The following HMGB1 variants were observed in gnomAD, a reference collection of about 807,000 sequenced individuals.
The protein encoded by HMGB1 is high mobility group box 1.
For missense variants in HMGB1, 79 were observed against 253.5 expected, an observed-to-expected ratio of 0.31 and a Z score of 4.67; for synonymous variants, 81 against 84.0, an observed-to-expected ratio of 0.96 and a Z score of 0.19.
chr13:30,561,217 T>G (rs1249358956), intron 1 of HMGB1, among the ~76,000 whole-genome samples: 1 of 152,170 alleles, frequency 6.6e-6, no homozygotes, highest in African/African-American at 2.4e-5. Flanking sequence ...GGCAGTATTT[T>G]CAGAAAGGAG....
chr13:30,542,636 CCTGG>C, intron 1 of HMGB1: 32 of 183,396 alleles, frequency 1.7e-4, no homozygotes, highest in South Asian at 3.7e-4. Flanking sequence ...AATGCCACAG[CCTGG>C]CTGGCTGGCT....
intron 1 of HMGB1, among the ~76,000 whole-genome samples, chr13:30,605,409 G>C (rs1414782111): frequency 6.6e-6 from 1 of 152,180 alleles, no homozygotes; most frequent in Non-Finnish European, 1.5e-5. Flanking sequence ...TTAAAAAAGA[G>C]GAGGAACCAT....
At chr13:30,535,536 A>G (rs1868387415) in intron 1 of HMGB1, among the ~76,000 whole-genome samples, 1 of 152,188 alleles carries the variant, frequency 6.6e-6, no homozygotes, top group Admixed American at 6.5e-5. Context: ...CAGCAGGAAA[A>G]CTGCAAAGAT....
intron 1 of HMGB1, among the ~76,000 whole-genome samples, chr13:30,524,695 A>G (rs1888323074): frequency 1.8e-5 from 1 of 54,998 alleles, no homozygotes; most frequent in South Asian, 4.5e-4. Flanking sequence ...AAAATAAAAT[A>G]AAATAAATAA....
At chr13:30,482,605 A>G (rs1360933033) in intron 1 of HMGB1, among the ~76,000 whole-genome samples, 1 of 152,200 alleles carries the variant, frequency 6.6e-6, no homozygotes, top group Non-Finnish European at 1.5e-5. Context: ...CTGGCTCTGA[A>G]GCCAAGTCTG....
In HMGB1 at chr13:30,587,240, T is replaced by C. The variant is rs146412474; in HGVS notation, c.-15+29431A>G. ...TGTGGCAAGGGATTTTCCCATCTTA[T>C]ATAGTAATAAAATTTTCAGCTGTGC... On this transcript the variant is annotated intron_variant, in intron 1 of 4. Coordinates refer to the HMGB1 transcript ENST00000405805. 3.2e-3 allele frequency among the ~76,000 whole-genome samples: 493 copies of C among 152,334 alleles called. 1 individual carries two copies. The highest frequency in any genetic ancestry group is 0.01 in the African/African-American group (416 of 41,570).
intron 1 of HMGB1, chr13:30,465,230 G>GGGCCCGCACTGCCGCCCCCA (rs1886697108): frequency 9.7e-6 from 4 of 413,436 alleles, no homozygotes. Flanking sequence ...GAGGCCGGCC[G>GGGCCCGCACTGCCGCCCCCA]GGCCCGCACT....
chr13:30,535,160 T>C (rs9551933), intron 1 of HMGB1, among the ~76,000 whole-genome samples: 4,065 of 152,296 alleles, frequency 0.027, 115 homozygotes, highest in East Asian at 0.06. Context: ...AGCCTTTCTC[T>C]TTCTGCCCTA....
At chr13:30,536,678 C>G (rs1275008301) in intron 1 of HMGB1, among the ~76,000 whole-genome samples, 5 of 152,314 alleles carry the variant, frequency 3.3e-5, no homozygotes, top group African/African-American at 1.2e-4. Context: ...TCATATTATT[C>G]AACAACTGTG....
chr13:30,464,217 G>A (rs1365635338), intron 1 of HMGB1: 1 of 985,482 alleles, frequency 1.0e-6, no homozygotes, highest in Non-Finnish European at 1.2e-6. Flanking sequence ...CTCCAAAGAG[G>A]GAGCAGCAGC....
At chr13:30,491,229 C>A (rs1280562667) in intron 1 of HMGB1, among the ~76,000 whole-genome samples, 1 of 152,014 alleles carries the variant, frequency 6.6e-6, no homozygotes, top group Non-Finnish European at 1.5e-5. Flanking sequence ...GGGGTTTCAC[C>A]ATGTTAGCCA....
At chr13:30,542,482 CTCT>C (rs1868939621) in intron 1 of HMGB1, 5 of 157,506 alleles carry the variant, frequency 3.2e-5, no homozygotes, top group South Asian at 3.7e-4. Context: ...CGGTTTCTTC[CTCT>C]TCTTCTTCAC....
chr13:30,487,056 C>T (rs971502155), intron 1 of HMGB1, among the ~76,000 whole-genome samples: 1 of 152,148 alleles, frequency 6.6e-6, no homozygotes, highest in African/African-American at 2.4e-5. Flanking sequence ...ATACAAGGGA[C>T]ATGATAGGGA....
At chr13:30,514,955 C>T (rs570736497) in intron 1 of HMGB1, among the ~76,000 whole-genome samples, 6 of 152,160 alleles carry the variant, frequency 3.9e-5, no homozygotes, top group Non-Finnish European at 8.8e-5. Flanking sequence ...GTGAGTATGA[C>T]GAGAGTTGAC....
intron 1 of HMGB1, chr13:30,541,844 G>T: frequency 6.4e-6 from 1 of 155,616 alleles, no homozygotes. Context: ...TGGCTTTGTT[G>T]AAATGATCCT....
intron 1 of HMGB1, among the ~76,000 whole-genome samples, chr13:30,582,268 C>A (rs1870931654): frequency 6.6e-6 from 1 of 152,158 alleles, no homozygotes; most frequent in African/African-American, 2.4e-5. Context: ...CAATCAAAAT[C>A]TTTAAAAACA....
chr13:30,576,173 T>A (rs1253008211), intron 1 of HMGB1, among the ~76,000 whole-genome samples: 1 of 152,182 alleles, frequency 6.6e-6, no homozygotes, highest in African/African-American at 2.4e-5. Flanking sequence ...TAATTTTTTT[T>A]ATAACATAGA....
intron 1 of HMGB1, among the ~76,000 whole-genome samples, chr13:30,549,165 T>A (rs9508794): frequency 6.6e-6 from 1 of 151,276 alleles, no homozygotes; most frequent in Non-Finnish European, 1.5e-5. Flanking sequence ...GTCATGCTGG[T>A]ATACACCTGT....
At chr13:30,598,843 T>G (rs1445415455) in intron 1 of HMGB1, among the ~76,000 whole-genome samples, 1 of 152,106 alleles carries the variant, frequency 6.6e-6, no homozygotes. Flanking sequence ...ACAACAAAAA[T>G]TTATTATTTA....
Sources: allele counts gnomAD v4.1 joint callset (sites outside exome capture counted in the v4.1 genomes callset), GRCh38; gene constraint gnomAD v4.1.1; transcripts MANE v1.5; gene names NCBI Gene and HGNC (gene_info 2026-07-23, HGNC 2026-07-21).